Variants in CRTC3 observed in about 807,000 individuals in gnomAD.
CRTC3 encodes CREB regulated transcription coactivator 3.
In CRTC3, 26 loss-of-function variants were observed where a neutral mutation model predicts 74.5. The observed-to-expected ratio is 0.35, with a 90% confidence interval of 0.26 to 0.48. CRTC3 has a LOEUF of 0.48. Among genes scored for constraint, CRTC3 ranks in the 20% least tolerant of loss-of-function variants. The pLI is 0.99. For missense variants in CRTC3, 760 were observed against 787.3 expected (o/e 0.97, Z 0.41); for synonymous variants, 377 against 325.8 (o/e 1.16, Z -1.69).
At chr15:90,562,217 A>G (rs1365070311) in intron 2 of CRTC3, among the ~76,000 whole-genome samples, 1 of 152,226 alleles carries the variant, frequency 6.6e-6, no homozygotes, top group African/African-American at 2.4e-5. Context: ...CCCCACAGAC[A>G]TATGACAGAA....
At position 90,529,967 on chromosome 15, in the gene CRTC3, A is replaced by G. The variant is rs546184096; in HGVS notation, c.-105A>G. ...CTCCTCTGCCGGGTCGCGCCGGACG[A>G]CTGGCTTCGGGCGGCGGCCCCGGCG... On this transcript the variant is annotated 5_prime_UTR_variant, in exon 1 of 15. Coordinates refer to ENST00000268184, the MANE Select transcript of CRTC3 (RefSeq NM_022769.5). 3,002 of 913,624 alleles carry G rather than the reference A, an allele frequency of 3.3e-3. 77 individuals carry two copies. The African/African-American group carries it at 0.051, about 15-fold the overall frequency. 56.6% of individuals were successfully genotyped at this position (913,624 alleles called of 1,614,324 possible).
intron 13 of CRTC3, among the ~76,000 whole-genome samples, chr15:90,640,091 A>G (rs1007099409): frequency 6.6e-5 from 10 of 152,120 alleles, no homozygotes; most frequent in African/African-American, 2.4e-4. Context: ...AAATTAAGAT[A>G]GCTGTTTCCT....
rs781045620 is a variant in CRTC3 at position 90,642,085 on chromosome 15, G to T, written c.1805G>T (p.Ser602Ile). The change falls in exon 15 of 15, where the codon AGC (serine) becomes ATC (isoleucine). Residue 602 changes from serine to isoleucine, a missense_variant. Transcript: ENST00000268184. ...LDGLNMLSDSSMGLLDPSVEE... is the reference protein window; with the variant it reads ...LDGLNMLSDSIMGLLDPSVEE... Reference sequence around the variant, plus strand: ...GGACTCAACATGTTAAGTGACTCCAGCATGGGCCTGCTGGACCCCTCTGTT... The same window carrying T: ...GGACTCAACATGTTAAGTGACTCCATCATGGGCCTGCTGGACCCCTCTGTT... 1.2e-6 allele frequency: 2 copies of T among 1,614,088 alleles called. No homozygotes were observed. Among genetic ancestry groups the T allele is most frequent in the South Asian group, 1.1e-5 (1 of 91,088 alleles).
intron 2 of CRTC3, among the ~76,000 whole-genome samples, chr15:90,551,899 G>A (rs969209318): frequency 2.7e-5 from 4 of 148,986 alleles, no homozygotes; most frequent in African/African-American, 9.9e-5. Context: ...GTGGTAAGGC[G>A]CGCCCTTACA....
In CRTC3 at chr15:90,562,826, G is replaced by C. The variant is rs543917560; in HGVS notation, c.231+22689G>C. Among the ~76,000 whole-genome samples the C allele has an allele frequency of 2.0e-5, 3 of 152,100 alleles. No homozygotes were observed. The East Asian group carries it at 5.8e-4, about 30-fold the overall frequency. On this transcript the variant is annotated intron_variant, in intron 2 of 14. Transcript: ENST00000268184. ...GGAAGAGGGGGGTCAGTTGACACTG[G>C]AGGGGGCAAGCCAGACCAGCCGCAA...
Position 90,554,748 on chromosome 15 carries a change from G to A in CRTC3, c.231+14611G>A, listed in dbSNP as rs142910537. Among the ~76,000 whole-genome samples the A allele has an allele frequency of 8.5e-4, 129 of 152,350 alleles. 1 individual carries two copies. The highest frequency in any genetic ancestry group is 3.1e-3 in the African/African-American group (128 of 41,576). The stretch of plus-strand genomic sequence containing the variant: ...GATGAAATCAGATAATACGTGTGAA[G>A]CGCCTGGTGCAGTAAATGCTTATGG... On this transcript the variant is annotated intron_variant, in intron 2 of 14. Transcript: ENST00000268184.
chr15:90,619,823 G>T lies in CRTC3; in HGVS notation c.749+33G>T, dbSNP rs768161924. 2.0e-5 allele frequency: 32 copies of T among 1,577,172 alleles called. No individual in the cohort carries two copies. The Middle Eastern group carries it at 5.0e-4, about 25-fold the overall frequency. ...ATATTCTTTCTGTTCGTGTTTCAGGGACTATCCTGAAGGTTTTTCCCAAAA... is the reference window on the plus strand; with the variant it reads ...ATATTCTTTCTGTTCGTGTTTCAGGTACTATCCTGAAGGTTTTTCCCAAAA... On this transcript the variant is annotated intron_variant, in intron 9 of 14. Coordinates refer to ENST00000268184, the MANE Select transcript of CRTC3 (RefSeq NM_022769.5).
chr15:90,592,612 A>C (rs1181097485), intron 2 of CRTC3, among the ~76,000 whole-genome samples: 1 of 152,252 alleles, frequency 6.6e-6, no homozygotes, highest in South Asian at 2.1e-4. Flanking sequence ...TTTATCTACA[A>C]TCTGTTTCTG....
chr15:90,629,863 C>G (rs540743998), intron 11 of CRTC3, among the ~76,000 whole-genome samples: 1 of 152,290 alleles, frequency 6.6e-6, no homozygotes, highest in South Asian at 2.1e-4. Flanking sequence ...GCTGGGACCA[C>G]AGGCATGCAC....
At chr15:90,612,052 T>TCCC (rs1968372099) in intron 6 of CRTC3, among the ~76,000 whole-genome samples, 1 of 122,736 alleles carries the variant, frequency 8.1e-6, no homozygotes, top group African/African-American at 3.1e-5. Context: ...CTCCTCCTCC[T>TCCC]CCTCCGCCTC....
At chr15:90,633,218 T>C (rs1969107414) in intron 11 of CRTC3, among the ~76,000 whole-genome samples, 1 of 151,762 alleles carries the variant, frequency 6.6e-6, no homozygotes, top group Non-Finnish European at 1.5e-5. Context: ...TCTGACTTTT[T>C]TTATTAGCCT....
intron 2 of CRTC3, among the ~76,000 whole-genome samples, chr15:90,573,452 C>G (rs1285408995): frequency 6.6e-6 from 1 of 152,106 alleles, no homozygotes; most frequent in Non-Finnish European, 1.5e-5. Flanking sequence ...TTAATCATGC[C>G]AAGATTTCTT....
At chr15:90,640,355 T>A (rs1969394994) in intron 13 of CRTC3, among the ~76,000 whole-genome samples, 1 of 151,362 alleles carries the variant, frequency 6.6e-6, no homozygotes. Flanking sequence ...CTTCTGAGTG[T>A]GAAAAGGAAA....
intron 2 of CRTC3, among the ~76,000 whole-genome samples, chr15:90,554,206 CTTT>C (rs796624134): frequency 5.6e-5 from 8 of 142,768 alleles, no homozygotes; most frequent in South Asian, 2.2e-4. Context: ...GGTGTTTCCT[CTTT>C]TTTTTTTTTT....
intron 2 of CRTC3, among the ~76,000 whole-genome samples, chr15:90,545,785 A>C (rs193253995): frequency 8.5e-4 from 129 of 152,066 alleles, no homozygotes; most frequent in Middle Eastern, 3.4e-3. Context: ...TCACTGTGTT[A>C]GCCAGGATGG....
intron 6 of CRTC3, among the ~76,000 whole-genome samples, chr15:90,609,305 C>A (rs565596187): frequency 1.3e-5 from 2 of 152,140 alleles, no homozygotes; most frequent in Admixed American, 6.5e-5. Flanking sequence ...GATATGGGTG[C>A]ACTGCTCACT....
chr15:90,560,549 T>A (rs906551058), intron 2 of CRTC3, among the ~76,000 whole-genome samples: 1 of 152,224 alleles, frequency 6.6e-6, no homozygotes, highest in Non-Finnish European at 1.5e-5. Flanking sequence ...ATATCCCCTG[T>A]GGGGTTAACT....
At chr15:90,610,712 A>G (rs977896916) in intron 6 of CRTC3, among the ~76,000 whole-genome samples, 3 of 152,196 alleles carry the variant, frequency 2.0e-5, no homozygotes, top group Non-Finnish European at 4.4e-5. Context: ...TCACACTTAC[A>G]TGCAGATAGG....
Position 90,593,707 on chromosome 15 carries a change from C to G in CRTC3, c.303C>G (p.Asn101Lys). 1 of 1,611,562 alleles carries G rather than the reference C, an allele frequency of 6.2e-7. No homozygotes were observed. The highest frequency in any genetic ancestry group is 8.5e-7 in the Non-Finnish European group (1 of 1,177,884). ...GGCTGGTGGAGAGGCCATCCAGGAA[C>G]CGCTTCCACCCCCTCCACCGAAGGT... ...HHGLVERPSR[N>K]RFHPLHRRSG... The change falls in exon 3 of 15, where the codon AAC (asparagine) becomes AAG (lysine). Residue 101 changes from asparagine to lysine, a missense_variant. By Grantham distance (94) the Asn-to-Lys change is moderately conservative. Transcript: ENST00000268184.
Sources: allele counts gnomAD v4.1 joint callset (sites outside exome capture counted in the v4.1 genomes callset), GRCh38; gene constraint gnomAD v4.1.1; transcripts MANE v1.5; gene names NCBI Gene and HGNC (gene_info 2026-07-23, HGNC 2026-07-21).